The following GRM7 variants were observed in gnomAD, a reference collection of about 807,000 sequenced individuals.
The protein encoded by GRM7 is metabotropic glutamate receptor 7.
A neutral mutation model predicts 84.5 loss-of-function variants in GRM7; 35 were observed. The ratio of observed to expected loss-of-function variants is 0.41; its 90% CI spans 0.32 to 0.55. The LOEUF is 0.55. Ranked by LOEUF, GRM7 falls within the 20% of genes least tolerant of loss-of-function variation. The pLI, the probability that GRM7 is intolerant of heterozygous loss-of-function variation, is 0.19. For missense variants in GRM7, 1,003 were observed against 1,194.6 expected, an observed-to-expected ratio of 0.84 and a Z score of 2.36; for synonymous variants, 487 against 455.1, an observed-to-expected ratio of 1.07 and a Z score of -0.89.
chr3:7,654,543 T>C lies in GRM7; in HGVS notation c.2452-25506T>C, dbSNP rs182463818. On this transcript the variant is annotated intron_variant, in intron 8 of 9. Transcript: ENST00000357716. The stretch of plus-strand genomic sequence containing the variant: ...CACTGTTTCATAAAGAACACTTCTA[T>C]TTTATTACTTTGACTGTTTCCAGTC... Among the ~76,000 whole-genome samples the C allele has an allele frequency of 2.8e-3, 432 of 152,318 alleles. 7 individuals carry two copies. Among genetic ancestry groups the C allele is most frequent in the Middle Eastern group, 0.017 (5 of 294 alleles).
At chr3:7,334,742 T>C (rs1701338434) in intron 4 of GRM7, among the ~76,000 whole-genome samples, 1 of 151,916 alleles carries the variant, frequency 6.6e-6, no homozygotes, top group South Asian at 2.1e-4. Context: ...TCCATGCAAA[T>C]GGAAACCAAA....
In GRM7 at chr3:6,863,076, C is replaced by G. The variant is rs1170654696; in HGVS notation, c.519+1169C>G. On this transcript the variant is annotated intron_variant, in intron 1 of 9. Transcript: ENST00000357716. This position sits in a 1 kb window ranked among gnomAD's most constrained non-coding sequence, Gnocchi z 4.8. ...TGATTGTAGGTTCCCTCCTCTGTGT[C>G]TTTCCCTATATGTGCATCACTCTCT... is the stretch of plus-strand genomic sequence containing the variant. The G allele has an allele frequency of 4.5e-6, 2 of 447,344 alleles. No homozygotes were observed. Among genetic ancestry groups the G allele is most frequent in the Non-Finnish European group, 8.9e-6 (2 of 223,584 alleles). 27.7% of individuals were successfully genotyped at this position (447,344 alleles called of 1,614,324 possible). A position where few individuals can be genotyped will look rare whatever the true frequency, so the allele number is the denominator to read the frequency against.
chr3:7,329,080 A>T lies in GRM7; in HGVS notation c.1033+22428A>T, dbSNP rs145752373. On this transcript the variant is annotated intron_variant, in intron 4 of 9. Transcript: ENST00000357716. ...GTTTAAAACCTGGCCTGTGTTAAGG[A>T]TGTTAGTTCTGTGACATTAGTGTTA... Among the ~76,000 whole-genome samples the T allele has an allele frequency of 5.6e-4, 84 of 151,236 alleles. 1 individual carries two copies. In the East Asian group the frequency reaches 0.013, roughly 23 times the overall value.
At chr3:7,291,721 G>C (rs1280960908) in intron 2 of GRM7, among the ~76,000 whole-genome samples, 4 of 152,140 alleles carry the variant, frequency 2.6e-5, no homozygotes, top group East Asian at 3.9e-4. Flanking sequence ...GTGGTGAGTG[G>C]TTGTATGGGA....
chr3:7,531,223 T>A (rs1701024072), intron 7 of GRM7, among the ~76,000 whole-genome samples: 1 of 152,218 alleles, frequency 6.6e-6, no homozygotes, highest in South Asian at 2.1e-4. Flanking sequence ...TGCTTGTTTT[T>A]GTCAGGTTTG....
chr3:7,498,256 T>C (rs1402142364), intron 7 of GRM7, among the ~76,000 whole-genome samples: 1 of 152,206 alleles, frequency 6.6e-6, no homozygotes, highest in Non-Finnish European at 1.5e-5. Context: ...AAGTGACTTA[T>C]TGAATGACCT....
chr3:7,040,209 A>C (rs1184177466), intron 1 of GRM7, among the ~76,000 whole-genome samples: 3 of 152,216 alleles, frequency 2.0e-5, no homozygotes, highest in Admixed American at 6.5e-5. Context: ...TCTACAACAT[A>C]GCTGAACATT....
At chr3:7,680,444 T>C (rs138474998) in intron 9 of GRM7, 149 bp downstream of exon 9, 3 of 706,304 alleles carry the variant, frequency 4.2e-6, no homozygotes, top group South Asian at 1.9e-5. Flanking sequence ...TCTGCTCTTT[T>C]GAGTTTGACT....
At chr3:7,315,922 G>A (rs1026945296) in intron 4 of GRM7, among the ~76,000 whole-genome samples, 1 of 152,064 alleles carries the variant, frequency 6.6e-6, no homozygotes, top group Non-Finnish European at 1.5e-5. Flanking sequence ...CCTGACAAGT[G>A]CTATAAAGTA....
At chr3:7,732,345 A>T (rs892757368) in intron 9 of GRM7, among the ~76,000 whole-genome samples, 4 of 152,164 alleles carry the variant, frequency 2.6e-5, no homozygotes, top group Non-Finnish European at 5.9e-5. Flanking sequence ...CTGATACTTA[A>T]AGTTCTAATG....
At chr3:7,303,303 T>C (rs73130246) in intron 3 of GRM7, among the ~76,000 whole-genome samples, 5,376 of 152,242 alleles carry the variant, frequency 0.035, 300 homozygotes, top group African/African-American at 0.12. Context: ...TAAAGTACTT[T>C]TGATGCAAAA....
chr3:7,679,440 T>C (rs1700269123), intron 8 of GRM7, among the ~76,000 whole-genome samples: 1 of 150,866 alleles, frequency 6.6e-6, no homozygotes. Context: ...CAATATAGAG[T>C]AGACAAGCCA....
chr3:6,929,545 C>T (rs1697425002), intron 1 of GRM7, among the ~76,000 whole-genome samples: 2 of 151,962 alleles, frequency 1.3e-5, no homozygotes, highest in South Asian at 4.2e-4. Flanking sequence ...TTTTTTTTCC[C>T]AGGGACAAGA....
chr3:7,603,165 C>T (rs1182299221), intron 8 of GRM7, among the ~76,000 whole-genome samples: 1 of 152,044 alleles, frequency 6.6e-6, no homozygotes, highest in Non-Finnish European at 1.5e-5. Context: ...TCAAACTTGC[C>T]TATTTTCAGT....
At chr3:7,213,725 CCCTG>C (rs575561861) in intron 2 of GRM7, among the ~76,000 whole-genome samples, 88 of 152,126 alleles carry the variant, frequency 5.8e-4, no homozygotes, top group Non-Finnish European at 1.1e-3. Flanking sequence ...TCCAGAGCTG[CCCTG>C]CCTTGAGGCA....
intron 1 of GRM7, among the ~76,000 whole-genome samples, chr3:7,140,695 A>G (rs1204386623): frequency 2.0e-5 from 3 of 152,152 alleles, no homozygotes; most frequent in Non-Finnish European, 4.4e-5. Flanking sequence ...TTGTTCATAG[A>G]ATAGCTTTAC....
intron 2 of GRM7, among the ~76,000 whole-genome samples, chr3:7,171,291 T>TC (rs1400158222): frequency 5.9e-5 from 9 of 152,070 alleles, no homozygotes; most frequent in African/African-American, 2.2e-4. Flanking sequence ...TGTCCAAATG[T>TC]CCCCCTTTTT....
intron 1 of GRM7, among the ~76,000 whole-genome samples, chr3:6,986,379 T>C (rs1413290704): frequency 6.6e-6 from 1 of 151,324 alleles, no homozygotes; most frequent in Non-Finnish European, 1.5e-5. Context: ...GTATATCAAT[T>C]ATGCCTCAAT....
chr3:7,577,001 A>C (rs543422151), intron 7 of GRM7, among the ~76,000 whole-genome samples: 1 of 152,182 alleles, frequency 6.6e-6, no homozygotes, highest in African/African-American at 2.4e-5. Context: ...GCTTCCCTCT[A>C]TGTTGGCTTC....
Sources: gnomAD v4.1 joint callset for allele counts (sites outside exome capture counted in the v4.1 genomes callset) on GRCh38, gnomAD v4.1.1 for gene constraint, Gnocchi (gnomAD v3.1) non-coding constraint, MANE v1.5 for transcripts, NCBI Gene and HGNC (gene_info 2026-07-23, HGNC 2026-07-21) for gene names.